CNTN2: variants seen among roughly 807,000 people sequenced by gnomAD.
CNTN2 encodes the protein contactin 2, also known as contactin-2.
In CNTN2, 53 loss-of-function variants were observed where a neutral mutation model predicts 117.5. The observed-to-expected ratio is 0.45, with a 90% CI of 0.36 to 0.57. The LOEUF (loss-of-function observed/expected upper bound fraction) is 0.57, where lower values mean the gene tolerates loss of function less well. Among genes scored for constraint, CNTN2 ranks in the 20% least tolerant of loss-of-function variants. The pLI, the probability that CNTN2 is intolerant of heterozygous loss-of-function variation, is 0.00. For missense variants in CNTN2, 1,106 were observed against 1,404.3 expected (o/e 0.79, Z 3.39); for synonymous variants, 530 against 561.7 (o/e 0.94, Z 0.80).
intron 1 of CNTN2, among the ~76,000 whole-genome samples, chr1:205,045,199 T>C (rs1177824012): frequency 6.6e-6 from 1 of 152,064 alleles, no homozygotes. Context: ...CCCGGCTCTT[T>C]CTCTCTTACT....
At position 205,061,066 on chromosome 1, in the gene CNTN2, T is replaced by C; in HGVS notation, c.798-179T>C. On this transcript the variant is annotated intron_variant, in intron 7 of 22. Coordinates refer to ENST00000331830, the MANE Select transcript of CNTN2 (RefSeq NM_005076.5). This position sits in a 1 kb window ranked among gnomAD's most constrained non-coding sequence, Gnocchi z 4.8. ...CTGCCTCTTGCCCCTTCCCTGCGTG[T>C]GCTCCGAGCCTACCTGGGAGAGGAG... 1.6e-6 allele frequency: 1 copy of C among 644,944 alleles called. No individual in the cohort carries two copies. Among genetic ancestry groups the C allele is most frequent in the Non-Finnish European group, 2.6e-6 (1 of 387,148 alleles). 40.0% of individuals were successfully genotyped at this position (644,944 alleles called of 1,614,324 possible). A position where few individuals can be genotyped will look rare whatever the true frequency, so the allele number is the denominator to read the frequency against.
In CNTN2 at chr1:205,061,215, C is replaced by G; in HGVS notation, c.798-30C>G. The G allele has an allele frequency of 1.9e-6, 3 of 1,584,224 alleles. No individual in the cohort carries two copies. The highest frequency in any genetic ancestry group is 2.6e-6 in the Non-Finnish European group (3 of 1,161,124). On this transcript the variant is annotated intron_variant, in intron 7 of 22. Transcript: ENST00000331830. The surrounding 1 kb of genome is among the most constrained non-coding windows in gnomAD (Gnocchi z 4.8). ...CTGGAGGGGTAGGCCCAGCTCAGCC[C>G]ACACCCTCTGGCTTTGTCTCTCCTG...
rs2096455580 is a variant in CNTN2 at position 205,053,043 on chromosome 1, T to C, written c.-86-57T>C. 26 of 525,612 alleles carry C rather than the reference T, an allele frequency of 4.9e-5. No individual in the cohort carries two copies. The South Asian group carries it at 7.5e-4, about 15-fold the overall frequency. The allele number at this position is 525,612 out of a possible 1,614,324, so 32.6% of individuals were successfully genotyped here. On this transcript the variant is annotated intron_variant, in intron 1 of 22. Coordinates refer to ENST00000331830, the MANE Select transcript of CNTN2 (RefSeq NM_005076.5). ...AAAGCTTTACGGACCCAGATGTGCC[T>C]GGAGCTGGGAGGGGCGCTCCTCGGC...
Position 205,061,722 on chromosome 1 carries a change from CCT to C in CNTN2, c.974-140_974-139del. 1 of 1,125,752 alleles carries C rather than the reference CCT, an allele frequency of 8.9e-7. No homozygotes were observed. The highest frequency in any genetic ancestry group is 1.2e-6 in the Non-Finnish European group (1 of 800,552). 69.7% of individuals were successfully genotyped at this position (1,125,752 alleles called of 1,614,324 possible). A position where few individuals can be genotyped will look rare whatever the true frequency, so the allele number is the denominator to read the frequency against. ...TTGTGCCTCCTTCTTCCGGCCCCCTCCTCTTTGTCCTCTCCATCTCAGAATGC... is the reference window on the plus strand; with the variant it reads ...TTGTGCCTCCTTCTTCCGGCCCCCTCCTTTGTCCTCTCCATCTCAGAATGC... On this transcript the variant is annotated intron_variant, in intron 8 of 22. Coordinates refer to ENST00000331830, the MANE Select transcript of CNTN2 (RefSeq NM_005076.5). This position sits in a 1 kb window ranked among gnomAD's most constrained non-coding sequence, Gnocchi z 4.8.
chr1:205,064,523 T>G, intron 11 of CNTN2, 51 bp downstream of exon 11: 3 of 1,593,916 alleles, frequency 1.9e-6, no homozygotes, highest in Non-Finnish European at 2.6e-6. Flanking sequence ...TCATTCTCCA[T>G]GGAGGCCAAT....
intron 21 of CNTN2, 148 bp from the exon 22 acceptor site, chr1:205,072,917 TGAG>T (rs1449921791): frequency 1.2e-6 from 1 of 805,936 alleles, no homozygotes; most frequent in Non-Finnish European, 2.0e-6. Context: ...CCTCCACCAA[TGAG>T]GAGCTTTGTC....
chr1:205,069,311 G>A, intron 16 of CNTN2, 180 bp from the exon 17 acceptor site: 2 of 558,082 alleles, frequency 3.6e-6, no homozygotes, highest in East Asian at 3.0e-5. Flanking sequence ...GGCAGAGGTG[G>A]GATTTGATTT....
intron 10 of CNTN2, chr1:205,063,464 A>G (rs891264827): frequency 1.3e-5 from 2 of 152,084 alleles, no homozygotes; most frequent in Non-Finnish European, 2.9e-5. Context: ...CCCCATGTCT[A>G]TGAAAAACAC....
rs1305299399 is a variant in CNTN2 at position 205,069,978 on chromosome 1, C to T, written c.2348C>T (p.Pro783Leu). The stretch of plus-strand genomic sequence containing the variant: ...AACGAGAGCGTCCGGCCCTACACGC[C>T]CTTTGAGGTCAAGATCCGCAGCTAC... ...YSNESVRPYT[P>L]FEVKIRSYNR... The change falls in exon 18 of 23, where the codon CCC (proline) becomes CTC (leucine). Residue 783 changes from proline to leucine, a missense_variant. Coordinates refer to ENST00000331830, the MANE Select transcript of CNTN2 (RefSeq NM_005076.5). 1 of 1,613,740 alleles carries T rather than the reference C, an allele frequency of 6.2e-7. No individual in the cohort carries two copies. Among genetic ancestry groups the T allele is most frequent in the Non-Finnish European group, 8.5e-7 (1 of 1,180,034 alleles).
At chr1:205,050,463 C>G (rs1009709851) in intron 1 of CNTN2, among the ~76,000 whole-genome samples, 1 of 152,252 alleles carries the variant, frequency 6.6e-6, no homozygotes, top group Non-Finnish European at 1.5e-5. Context: ...AAGCAATACA[C>G]ATTCAATGGA....
chr1:205,060,962 C>A (rs867131860), intron 7 of CNTN2: 1 of 384,860 alleles, frequency 2.6e-6, no homozygotes, highest in South Asian at 4.5e-5. Flanking sequence ...GAGGGCAGGC[C>A]AGCTTCAGGG....
chr1:205,049,092 G>A (rs1262142232), intron 1 of CNTN2, among the ~76,000 whole-genome samples: 1 of 152,028 alleles, frequency 6.6e-6, no homozygotes. Context: ...CTCTAAGGCT[G>A]TATGTCTCGA....
In CNTN2 at chr1:205,059,270, C is replaced by T. The variant is rs757210076; in HGVS notation, c.674C>T (p.Ala225Val). 6.2e-7 allele frequency: 1 copy of T among 1,614,006 alleles called. No homozygotes were observed. The highest frequency in any genetic ancestry group is 1.1e-5 in the South Asian group (1 of 91,020). Residue 225 changes from alanine (A) to valine (V), a missense_variant, in exon 6 of 23, where the codon GCT (alanine) becomes GTT (valine). Physicochemically the swap from Ala to Val is moderately conservative, Grantham distance 64. Transcript: ENST00000331830. This position sits in a 1 kb window ranked among gnomAD's most constrained non-coding sequence, Gnocchi z 5.6. ...FSTKSVFSKFAQLNLAAEDTR... is the reference protein window; with the variant it reads ...FSTKSVFSKFVQLNLAAEDTR... ...ACCAAGAGCGTCTTCAGCAAGTTTG[C>T]TCAGCTCAACCTGGCTGCTGAAGGT...
chr1:205,064,126 A>AGGGGGGGGGGTGGGGGGGGGGGG (rs11329962), intron 10 of CNTN2, among the ~76,000 whole-genome samples, 196 bp from the exon 11 acceptor site: 1 of 94,370 alleles, frequency 1.1e-5, no homozygotes, highest in Admixed American at 1.0e-4. Context: ...TGAGGGGCGG[A>AGGGGGGGGGGTGGGGGGGGGGGG]GGGGGGGCGC....
Position 205,072,718 on chromosome 1 carries a change from G to A in CNTN2, c.2844+123G>A. The A allele has an allele frequency of 1.1e-5, 8 of 737,498 alleles. No individual in the cohort carries two copies. The South Asian group carries it at 1.3e-4, about 12-fold the overall frequency. 45.7% of individuals were successfully genotyped at this position (737,498 alleles called of 1,614,324 possible). A position where few individuals can be genotyped will look rare whatever the true frequency, so the allele number is the denominator to read the frequency against. ...AGTGAGACATAAGCAAAGGGTTTGTGACTGTGAGAGGAATGAAATTCATGA... is the reference window on the plus strand; with the variant it reads ...AGTGAGACATAAGCAAAGGGTTTGTAACTGTGAGAGGAATGAAATTCATGA... On this transcript the variant is annotated intron_variant, in intron 21 of 22. Transcript: ENST00000331830.
intron 1 of CNTN2, among the ~76,000 whole-genome samples, chr1:205,044,194 A>C (rs1292453524): frequency 6.6e-6 from 1 of 152,140 alleles, no homozygotes; most frequent in African/African-American, 2.4e-5. Context: ...GGGAAGGGGC[A>C]GAGCTGGGGA....
At chr1:205,070,105 T>C (rs760404620) in intron 18 of CNTN2, 44 bp downstream of exon 18, 1 of 1,581,458 alleles carries the variant, frequency 6.3e-7, no homozygotes, top group East Asian at 2.2e-5. Flanking sequence ...CCCCAGCCAC[T>C]TGTCCACAGG....
intron 19 of CNTN2, among the ~76,000 whole-genome samples, 160 bp from the exon 20 acceptor site, chr1:205,071,787 C>T (rs1479488032): frequency 6.6e-6 from 1 of 152,122 alleles, no homozygotes; most frequent in East Asian, 1.9e-4. Context: ...CCCACATGGC[C>T]CTGCTGTCTG....
chr1:205,051,843 T>G (rs1311651218), intron 1 of CNTN2, among the ~76,000 whole-genome samples: 1 of 152,180 alleles, frequency 6.6e-6, no homozygotes, highest in Non-Finnish European at 1.5e-5. Flanking sequence ...ACAGGGCAGA[T>G]CCTGAGCTTG....
Sources: gnomAD v4.1 joint callset for allele counts (sites outside exome capture counted in the v4.1 genomes callset) on GRCh38, gnomAD v4.1.1 for gene constraint, Gnocchi (gnomAD v3.1) non-coding constraint, MANE v1.5 for transcripts, NCBI Gene and HGNC (gene_info 2026-07-23, HGNC 2026-07-21) for gene names.